The following RANBP2 variants were observed in gnomAD, a reference collection of about 807,000 sequenced individuals.
RANBP2 encodes E3 SUMO-protein ligase RanBP2.
Under a neutral mutation model 303.6 loss-of-function variants are expected in RANBP2, and 57 were observed. The ratio of observed to expected loss-of-function variants is 0.19; its 90% CI spans 0.15 to 0.23. The LOEUF is 0.23. Ranked by LOEUF, RANBP2 falls within the 10% of genes least tolerant of loss-of-function variation. The probability of loss-of-function intolerance (pLI) is 1.00; values close to 1 mark genes in which losing one functional copy is unlikely to be tolerated. For missense variants in RANBP2, 3,138 were observed against 3,780.8 expected, an observed-to-expected ratio of 0.83 and a Z score of 4.46; for synonymous variants, 1,167 against 1,301.5, an observed-to-expected ratio of 0.90 and a Z score of 2.23.
At chr2:109,336,713 A>G in the RANBP2 span, among the ~76,000 whole-genome samples, 1 of 152,264 alleles carries the variant, frequency 6.6e-6, no homozygotes, top group Non-Finnish European at 1.5e-5. Flanking sequence ...CTGTAAAAGC[A>G]ACTGCAACAT....
the RANBP2 span, among the ~76,000 whole-genome samples, chr2:109,547,849 A>G: frequency 6.6e-6 from 1 of 152,180 alleles, no homozygotes; most frequent in Non-Finnish European, 1.5e-5. Context: ...AAAAAATAGG[A>G]AACTCAGCTT....
the RANBP2 span, among the ~76,000 whole-genome samples, chr2:109,345,862 T>C: frequency 1.3e-5 from 2 of 152,200 alleles, no homozygotes; most frequent in African/African-American, 4.8e-5. Flanking sequence ...TCCTGGGCAT[T>C]GCAGGGTGTT....
Position 108,783,879 on chromosome 2 carries a change from T to C in RANBP2, c.9653T>C (p.Ile3218Thr). The change falls in exon 29 of 29, where the codon ATC becomes ACC. Residue 3218 changes from isoleucine (I) to threonine (T), a missense_variant. Ile to Thr is a moderately conservative substitution (Grantham distance 89). Transcript: ENST00000283195. Reference sequence around the variant, plus strand: ...GGGTCTGTTTGTCGAAGAATAACTATCACAGAATGTGGACAGATATAAAAT... The same window carrying C: ...GGGTCTGTTTGTCGAAGAATAACTACCACAGAATGTGGACAGATATAAAAT... ...PKGSVCRRITITECGQI is the reference protein window; with the variant it reads ...PKGSVCRRITTTECGQI 1 of 1,612,166 alleles carries C rather than the reference T, an allele frequency of 6.2e-7. No individual in the cohort carries two copies. The highest frequency in any genetic ancestry group is 8.5e-7 in the Non-Finnish European group (1 of 1,178,268).
the RANBP2 span, among the ~76,000 whole-genome samples, chr2:109,090,466 T>C: frequency 6.6e-6 from 1 of 151,752 alleles, no homozygotes; most frequent in African/African-American, 2.4e-5. Flanking sequence ...ACAACAAAAA[T>C]AAGTCCTTTA....
the RANBP2 span, chr2:108,908,061 G>C: frequency 1.9e-5 from 30 of 1,567,346 alleles, no homozygotes; most frequent in South Asian, 2.4e-5. Flanking sequence ...TGCCTGGGGG[G>C]GCTGCAGCCC....
the RANBP2 span, among the ~76,000 whole-genome samples, chr2:108,922,344 G>A: frequency 6.6e-6 from 1 of 152,236 alleles, no homozygotes; most frequent in African/African-American, 2.4e-5. Flanking sequence ...GCTGGCAGCC[G>A]AGCTGCGGCC....
At chr2:109,578,248 A>T in the RANBP2 span, among the ~76,000 whole-genome samples, 1 of 152,210 alleles carries the variant, frequency 6.6e-6, no homozygotes, top group Non-Finnish European at 1.5e-5. Flanking sequence ...AACCATTGTC[A>T]GATTGTGTTT....
the RANBP2 span, among the ~76,000 whole-genome samples, chr2:109,431,392 G>A: frequency 1.3e-5 from 2 of 152,090 alleles, no homozygotes; most frequent in South Asian, 2.1e-4. Flanking sequence ...CTCTCCCTCC[G>A]TTCAAAACCA....
the RANBP2 span, among the ~76,000 whole-genome samples, chr2:109,626,480 CAAAA>C: frequency 6.9e-6 from 1 of 144,288 alleles, no homozygotes; most frequent in Admixed American, 6.8e-5. Context: ...AAACGAAAAA[CAAAA>C]CAAACAAACA....
chr2:109,595,837 T>C, the RANBP2 span, among the ~76,000 whole-genome samples: 1 of 152,214 alleles, frequency 6.6e-6, no homozygotes, highest in African/African-American at 2.4e-5. Context: ...AATATCTGGC[T>C]AGGGGCCCTG....
chr2:109,524,444 C>CAAAA, the RANBP2 span, among the ~76,000 whole-genome samples: 75 of 84,352 alleles, frequency 8.9e-4, no homozygotes, highest in African/African-American at 4.3e-3. Context: ...GACCCTGTCT[C>CAAAA]AAAAAAAAAA....
the RANBP2 span, among the ~76,000 whole-genome samples, chr2:108,946,414 G>C: frequency 6.6e-6 from 1 of 152,184 alleles, no homozygotes; most frequent in African/African-American, 2.4e-5. Context: ...ACAACCCCTT[G>C]GGGACTGGTG....
In RANBP2 at chr2:108,768,103, A is replaced by G. The variant is rs1177812879; in HGVS notation, c.7564A>G (p.Lys2522Glu). The G allele has an allele frequency of 2.5e-6, 4 of 1,612,064 alleles. No homozygotes were observed. Among genetic ancestry groups the G allele is most frequent in the Non-Finnish European group, 3.4e-6 (4 of 1,179,866 alleles). The change falls in exon 20 of 29, where the codon AAA (lysine) becomes GAA (glutamate). Residue 2522 changes from lysine to glutamate, a missense_variant. By Grantham distance (56) the Lys-to-Glu change is moderately conservative. This residue lies in a region of RANBP2 where 497 missense variants were observed against 465.8 expected (regional missense o/e 1.07). Transcript: ENST00000283195. ...GTTTGTATTTGGTTCAGAGTCTGTTAAAAGCATTTTTAGTAGTGAAAAATC... is the reference window on the plus strand; with the variant it reads ...GTTTGTATTTGGTTCAGAGTCTGTTGAAAGCATTTTTAGTAGTGAAAAATC... Reference protein sequence around the residue: ...PKFVFGSESVKSIFSSEKSKP... With the variant: ...PKFVFGSESVESIFSSEKSKP...
At chr2:108,959,251 G>C in the RANBP2 span, among the ~76,000 whole-genome samples, 1 of 152,258 alleles carries the variant, frequency 6.6e-6, no homozygotes, top group African/African-American at 2.4e-5. Flanking sequence ...CAGAGGGGCT[G>C]ATGATGGCCT....
the RANBP2 span, among the ~76,000 whole-genome samples, chr2:109,426,072 A>G: frequency 8.6e-5 from 13 of 152,004 alleles, no homozygotes; most frequent in Admixed American, 5.2e-4. Context: ...TAATTTTTGT[A>G]TATTGTATAT....
the RANBP2 span, among the ~76,000 whole-genome samples, chr2:109,286,960 G>A: frequency 6.6e-6 from 1 of 152,168 alleles, no homozygotes; most frequent in Non-Finnish European, 1.5e-5. Context: ...AGGTGGTTCC[G>A]CCATCCTCCA....
chr2:108,883,008 T>G, the RANBP2 span: 1 of 152,214 alleles, frequency 6.6e-6, no homozygotes, highest in Non-Finnish European at 1.5e-5. Context: ...AGACCTTGTC[T>G]TCTTTATATA....
the RANBP2 span, among the ~76,000 whole-genome samples, chr2:109,403,141 G>A: frequency 2.0e-5 from 3 of 152,196 alleles, no homozygotes; most frequent in Non-Finnish European, 4.4e-5. Flanking sequence ...ATAGAAATGC[G>A]TCTGAGGCAC....
chr2:109,510,102 G>T, the RANBP2 span, among the ~76,000 whole-genome samples: 1 of 152,160 alleles, frequency 6.6e-6, no homozygotes, highest in Non-Finnish European at 1.5e-5. Flanking sequence ...TTCGGTTGGC[G>T]GGAACGGTGT....
Sources: gnomAD v4.1 joint callset for allele counts (sites outside exome capture counted in the v4.1 genomes callset) on GRCh38, gnomAD v4.1.1 for gene constraint, gnomAD v4.1.1 regional missense constraint, MANE v1.5 for transcripts, NCBI Gene and HGNC (gene_info 2026-07-23, HGNC 2026-07-21) for gene names.